The following AMBRA1 variants were observed in gnomAD, a reference collection of about 807,000 sequenced individuals.
AMBRA1 encodes the protein activating molecule in BECN1-regulated autophagy protein 1.
Under a neutral mutation model 125.4 loss-of-function variants are expected in AMBRA1, and 47 were observed. The ratio of observed to expected loss-of-function variants is 0.37; its 90% confidence interval spans 0.30 to 0.48. AMBRA1 has a LOEUF of 0.48. Ranked by LOEUF, AMBRA1 falls within the 20% of genes least tolerant of loss-of-function variation. AMBRA1 has a pLI of 0.99. For synonymous variants in AMBRA1, 626 were observed against 655.5 expected (o/e 0.95, Z 0.69); for missense variants, 1,331 against 1,693.4 (o/e 0.79, Z 3.76).
intron 11 of AMBRA1, among the ~76,000 whole-genome samples, chr11:46,474,536 G>A (rs1256449095): frequency 1.3e-5 from 2 of 152,078 alleles, no homozygotes; most frequent in African/African-American, 2.4e-5. Context: ...CTACAGGCAC[G>A]TGACACCACG....
intron 14 of AMBRA1, among the ~76,000 whole-genome samples, chr11:46,418,988 T>C (rs1946711975): frequency 2.0e-5 from 3 of 150,296 alleles, no homozygotes; most frequent in East Asian, 2.0e-4. Context: ...TTGGAGGTGA[T>C]AGGGGGGCGG....
rs751141290 is a variant in AMBRA1, at chr11:46,397,502, C to T, written c.3845G>A (p.Gly1282Asp). The T allele has an allele frequency of 1.3e-6, 2 of 1,528,374 alleles. No homozygotes were observed. Among genetic ancestry groups the T allele is most frequent in the Non-Finnish European group, 1.8e-6 (2 of 1,135,944 alleles). The allele number at this position is 1,528,374 out of a possible 1,614,324, so 94.7% of individuals were successfully genotyped here. A position where few individuals can be genotyped will look rare whatever the true frequency, so the allele number is the denominator to read the frequency against. ...LTNNNHLLDG[G>D]SSRGDAAGPR... ...GCCTGCAGCGTCCCCCCTGCTGCTG[C>T]CACCATCCAGAAGGTGGTTGTTATT... The change falls in exon 18 of 18, where the codon GGC becomes GAC. Residue 1282 changes from glycine (G) to aspartate (D), a missense_variant. Physicochemically the swap from Gly to Asp is moderately conservative, Grantham distance 94. Transcript: ENST00000683756.
intron 11 of AMBRA1, among the ~76,000 whole-genome samples, chr11:46,485,207 G>C (rs997337719): frequency 6.6e-5 from 10 of 152,196 alleles, no homozygotes; most frequent in Non-Finnish European, 1.3e-4. Flanking sequence ...CAACATGCTG[G>C]GATTACAGGC....
At chr11:46,413,488 T>A (rs1946388661) in intron 15 of AMBRA1, among the ~76,000 whole-genome samples, 1 of 152,148 alleles carries the variant, frequency 6.6e-6, no homozygotes, top group African/African-American at 2.4e-5. Flanking sequence ...CTTTCTTTCT[T>A]TCTTTCTCTA....
At chr11:46,414,683 C>T (rs531313740) in intron 15 of AMBRA1, among the ~76,000 whole-genome samples, 246 of 152,146 alleles carry the variant, frequency 1.6e-3, no homozygotes, top group Middle Eastern at 3.4e-3. Context: ...AGAGGCACAG[C>T]AGCAGCTTGG....
rs780051547 is a variant in AMBRA1 at position 46,508,325 on chromosome 11, G to C, written c.2205C>G (p.Leu735=). Reference sequence around the variant, plus strand: ...GCTGGCGAATACTGTCTCTCCGTGAGAGATACTGGATCATCCTCTGGGCGT... The same window carrying C: ...GCTGGCGAATACTGTCTCTCCGTGACAGATACTGGATCATCCTCTGGGCGT... The part of the protein sequence containing the change: ...AYYAQRMIQY[L]SRRDSIRQRS... Residue 735 remains leucine (L), a synonymous_variant, in exon 9 of 18, where the codon CTC becomes CTG. Transcript: ENST00000683756. The C allele has an allele frequency of 6.2e-7, 1 of 1,614,230 alleles. No homozygotes were observed. The highest frequency in any genetic ancestry group is 8.5e-7 in the Non-Finnish European group (1 of 1,180,038).
At chr11:46,443,641 C>T (rs768595897) in intron 11 of AMBRA1, 43 bp from the exon 12 acceptor site, 21 of 1,493,906 alleles carry the variant, frequency 1.4e-5, no homozygotes, top group South Asian at 2.3e-5. Context: ...TATTATTTAT[C>T]CACGTTTCCA....
At chr11:46,539,366 T>A in intron 7 of AMBRA1, among the ~76,000 whole-genome samples, 1 of 152,110 alleles carries the variant, frequency 6.6e-6, no homozygotes, top group East Asian at 1.9e-4. Context: ...GAGAGCAGCC[T>A]GATCAACATG....
At chr11:46,427,992 G>A (rs2136686908) in intron 14 of AMBRA1, among the ~76,000 whole-genome samples, 1 of 122,998 alleles carries the variant, frequency 8.1e-6, no homozygotes, top group East Asian at 2.5e-4. Flanking sequence ...CTGGGCGACA[G>A]AGGGAGACTC....
chr11:46,475,810 C>T (rs766656973), intron 11 of AMBRA1, among the ~76,000 whole-genome samples: 3 of 152,076 alleles, frequency 2.0e-5, no homozygotes, highest in Admixed American at 6.6e-5. Flanking sequence ...GTCTCAGATT[C>T]GGAGAAAGGT....
chr11:46,569,382 C>G (rs2043666788), intron 1 of AMBRA1, among the ~76,000 whole-genome samples: 1 of 147,438 alleles, frequency 6.8e-6, no homozygotes, highest in Non-Finnish European at 1.5e-5. Context: ...ACACATTACC[C>G]TGCAGCCTAC....
chr11:46,544,082 G>A, intron 5 of AMBRA1, 41 bp from the exon 6 acceptor site: 1 of 1,516,990 alleles, frequency 6.6e-7, no homozygotes, highest in Non-Finnish European at 9.1e-7. Context: ...CACATAGAGA[G>A]ATTATGTTAA....
intron 3 of AMBRA1, 116 bp from the exon 4 acceptor site, chr11:46,547,412 CTA>C: frequency 1.1e-6 from 1 of 926,436 alleles, no homozygotes. Flanking sequence ...ATGAAAGAAA[CTA>C]AGCTTTGTAT....
Position 46,508,233 on chromosome 11 carries a change from C to A in AMBRA1, c.2297G>T (p.Gly766Val). ...STSSSSSDNQ[G>V]PSVEGTDLEF... Reference sequence around the variant, plus strand: ...CAAGTCGGTTCCCTCTACTGATGGACCCTGGTTGTCTGAGGAAGAGGAGGA... The same window carrying A: ...CAAGTCGGTTCCCTCTACTGATGGAACCTGGTTGTCTGAGGAAGAGGAGGA... The change falls in exon 9 of 18, where the codon GGT becomes GTT. Residue 766 changes from glycine to valine, a missense_variant. Physicochemically the swap from Gly to Val is moderately radical, Grantham distance 109 (BLOSUM62 -3). Transcript: ENST00000683756. 6.2e-7 allele frequency: 1 copy of A among 1,614,176 alleles called. No individual in the cohort carries two copies. The highest frequency in any genetic ancestry group is 8.5e-7 in the Non-Finnish European group (1 of 1,180,014).
intron 11 of AMBRA1, among the ~76,000 whole-genome samples, chr11:46,485,825 G>A (rs1565208499): frequency 6.6e-6 from 1 of 152,180 alleles, no homozygotes; most frequent in Non-Finnish European, 1.5e-5. Flanking sequence ...GCCTGAAGAA[G>A]CACAGGCAAT....
chr11:46,549,240 G>A (rs1326178732), intron 1 of AMBRA1, among the ~76,000 whole-genome samples: 1 of 152,136 alleles, frequency 6.6e-6, no homozygotes, highest in Non-Finnish European at 1.5e-5. Flanking sequence ...TCTATACAAT[G>A]GACTATGTAA....
Position 46,548,323 on chromosome 11 carries a change from C to A in AMBRA1, c.58G>T (p.Ala20Ser). ...VRILWGRERG[A>S]RAMGAQRLLQ... ...AGCCGCTGAGCTCCCATGGCCCGAG[C>A]ACCCCGTTCTCGCCCCCAGAGTATC... is the stretch of plus-strand genomic sequence containing the variant. Residue 20 changes from alanine to serine, a missense_variant, in exon 2 of 18, where the codon GCT becomes TCT. Physicochemically the swap from Ala to Ser is moderately conservative, Grantham distance 99. Coordinates refer to ENST00000683756, the MANE Select transcript of AMBRA1 (RefSeq NM_001387011.1). 1 of 1,614,138 alleles carries A rather than the reference C, an allele frequency of 6.2e-7. No individual in the cohort carries two copies. Among genetic ancestry groups the A allele is most frequent in the Non-Finnish European group, 8.5e-7 (1 of 1,180,028 alleles).
At chr11:46,540,257 G>A (rs1952675982) in intron 7 of AMBRA1, among the ~76,000 whole-genome samples, 1 of 152,208 alleles carries the variant, frequency 6.6e-6, no homozygotes, top group African/African-American at 2.4e-5. Flanking sequence ...GAGCACACTG[G>A]TATTACGGAA....
chr11:46,535,418 C>T (rs751845986), intron 7 of AMBRA1, among the ~76,000 whole-genome samples: 3 of 152,178 alleles, frequency 2.0e-5, no homozygotes, highest in Non-Finnish European at 2.9e-5. Flanking sequence ...TCTCATGATG[C>T]TCAGACTCCA....
Sources: allele counts gnomAD v4.1 joint callset (sites outside exome capture counted in the v4.1 genomes callset), GRCh38; gene constraint gnomAD v4.1.1; transcripts MANE v1.5; gene names NCBI Gene and HGNC (gene_info 2026-07-23, HGNC 2026-07-21).